The following NEK7 variants were observed in gnomAD, a reference collection of about 807,000 sequenced individuals.
NEK7 encodes the protein serine/threonine-protein kinase Nek7.
Under a neutral mutation model 44.6 loss-of-function variants are expected in NEK7, and 18 were observed. The ratio of observed to expected loss-of-function variants is 0.40; its 90% CI spans 0.28 to 0.60. The LOEUF is 0.60. NEK7 is among the 20% of genes least tolerant of loss of function. The pLI is 0.38. For missense variants in NEK7, 256 were observed against 366.5 expected (o/e 0.70, Z 2.46); for synonymous variants, 130 against 121.1 (o/e 1.07, Z -0.48).
chr1:198,188,585 A>G (rs918747502), intron 1 of NEK7, among the ~76,000 whole-genome samples: 33 of 152,124 alleles, frequency 2.2e-4, no homozygotes, highest in African/African-American at 7.0e-4. Context: ...GCCACTAGCT[A>G]CATAGAAAGG....
chr1:198,258,075 T>C (rs968188939), intron 3 of NEK7, among the ~76,000 whole-genome samples: 8 of 152,264 alleles, frequency 5.3e-5, no homozygotes, highest in African/African-American at 1.4e-4. Context: ...CAAAGGCCTC[T>C]CCGAGGATGT....
intron 9 of NEK7, among the ~76,000 whole-genome samples, chr1:198,319,149 A>T (rs746998031): frequency 3.9e-4 from 59 of 152,194 alleles, no homozygotes; most frequent in Non-Finnish European, 6.2e-4. Context: ...TGAAAAATTA[A>T]GAGAGTCCAT....
intron 7 of NEK7, among the ~76,000 whole-genome samples, chr1:198,291,308 A>G (rs889170201): frequency 6.6e-6 from 1 of 152,126 alleles, no homozygotes; most frequent in Admixed American, 6.6e-5. Context: ...TTATTATTCC[A>G]ACTGTACCTA....
At position 198,319,648 on chromosome 1, in the gene NEK7, G is replaced by T; in HGVS notation, c.*126G>T. On this transcript the variant is annotated 3_prime_UTR_variant, in exon 10 of 10. Coordinates refer to ENST00000367385, the MANE Select transcript of NEK7 (RefSeq NM_133494.3). Reference sequence around the variant, plus strand: ...CTAGTGTGCTTTGAATCCTTAACCAGTTTTCATATAAGCTTCATTTTGTAC... The same window carrying T: ...CTAGTGTGCTTTGAATCCTTAACCATTTTTCATATAAGCTTCATTTTGTAC... 1 of 1,152,894 alleles carries T rather than the reference G, an allele frequency of 8.7e-7. No individual in the cohort carries two copies. The highest frequency in any genetic ancestry group is 1.1e-6 in the Non-Finnish European group (1 of 885,844). 71.4% of individuals were successfully genotyped at this position (1,152,894 alleles called of 1,614,324 possible).
At position 198,173,782 on chromosome 1, in the gene NEK7, TA is replaced by T. The variant is rs939223521; in HGVS notation, c.-29+16512del. Among the ~76,000 whole-genome samples, 5 of 152,274 alleles carry T rather than the reference TA, an allele frequency of 3.3e-5. No individual in the cohort carries two copies. In the South Asian group the frequency reaches 6.2e-4, roughly 19 times the overall value. The stretch of plus-strand genomic sequence containing the variant: ...TCATTTATTTGGTCATATTTTTATA[TA>T]AAAAACTTTATAATTAAAGTTTTTT... On this transcript the variant is annotated intron_variant, in intron 1 of 9. Transcript: ENST00000367385.
At chr1:198,229,329 C>G (rs1190863163) in intron 1 of NEK7, among the ~76,000 whole-genome samples, 1 of 152,160 alleles carries the variant, frequency 6.6e-6, no homozygotes, top group African/African-American at 2.4e-5. Context: ...TCTCTCTATC[C>G]TTATGCTTTG....
At chr1:198,252,349 C>G (rs1653041311) in intron 2 of NEK7, among the ~76,000 whole-genome samples, 1 of 151,456 alleles carries the variant, frequency 6.6e-6, no homozygotes, top group African/African-American at 2.4e-5. Context: ...AATGTATATT[C>G]TGTTGATTTA....
chr1:198,206,679 TAAAAA>T (rs902708980), intron 1 of NEK7, among the ~76,000 whole-genome samples: 1 of 151,254 alleles, frequency 6.6e-6, no homozygotes, highest in Non-Finnish European at 1.5e-5. Flanking sequence ...CAAAAAGATT[TAAAAA>T]AAAAGACAAG....
At chr1:198,227,630 A>C (rs1210459024) in intron 1 of NEK7, among the ~76,000 whole-genome samples, 28 of 152,030 alleles carry the variant, frequency 1.8e-4, no homozygotes, top group Middle Eastern at 3.4e-3. Context: ...TGATGATGAG[A>C]ATTTTTTCAT....
At chr1:198,212,176 A>G (rs1306421609) in intron 1 of NEK7, among the ~76,000 whole-genome samples, 1 of 152,188 alleles carries the variant, frequency 6.6e-6, no homozygotes, top group African/African-American at 2.4e-5. Flanking sequence ...GAAGCTCCCA[A>G]CTGAGATTTG....
intron 1 of NEK7, among the ~76,000 whole-genome samples, chr1:198,215,152 G>T (rs933129698): frequency 1.8e-4 from 26 of 148,018 alleles, no homozygotes; most frequent in African/African-American, 6.9e-4. Flanking sequence ...TACTAGACCA[G>T]CCATACAAGA....
At chr1:198,301,878 AT>A (rs1654895408) in intron 9 of NEK7, among the ~76,000 whole-genome samples, 1 of 152,260 alleles carries the variant, frequency 6.6e-6, no homozygotes, top group Admixed American at 6.5e-5. Context: ...TTATTTAGTA[AT>A]AATTGTAAAT....
intron 2 of NEK7, among the ~76,000 whole-genome samples, chr1:198,243,276 A>G (rs1409311803): frequency 6.6e-6 from 1 of 152,180 alleles, no homozygotes; most frequent in African/African-American, 2.4e-5. Flanking sequence ...GTGCTTCAGT[A>G]TGCAGAATAA....
chr1:198,285,358 GT>G (rs1654335347), intron 7 of NEK7, among the ~76,000 whole-genome samples: 1 of 152,132 alleles, frequency 6.6e-6, no homozygotes, highest in Non-Finnish European at 1.5e-5. Flanking sequence ...GTAAGTATAG[GT>G]TAGATTATGC....
At chr1:198,179,837 G>A (rs978304787) in intron 1 of NEK7, among the ~76,000 whole-genome samples, 1 of 152,118 alleles carries the variant, frequency 6.6e-6, no homozygotes, top group Admixed American at 6.6e-5. Context: ...GTGTGTGTAT[G>A]TGTGCAGACA....
At chr1:198,216,338 G>A (rs1389613534) in intron 1 of NEK7, among the ~76,000 whole-genome samples, 1 of 151,920 alleles carries the variant, frequency 6.6e-6, no homozygotes, top group African/African-American at 2.4e-5. Context: ...TGATTTTTGG[G>A]TTAACCATGA....
chr1:198,204,818 T>C (rs1938384), intron 1 of NEK7, among the ~76,000 whole-genome samples: 150,577 of 152,178 alleles, frequency 0.99, 74,511 homozygotes, highest in Middle Eastern at 1. Flanking sequence ...AAACACATTT[T>C]ATATAGATTT....
intron 8 of NEK7, among the ~76,000 whole-genome samples, chr1:198,294,283 C>T (rs1015750398): frequency 5.3e-5 from 8 of 151,776 alleles, no homozygotes; most frequent in Non-Finnish European, 2.9e-5. Flanking sequence ...TATATGTGCA[C>T]GAGATTACAA....
chr1:198,291,231 C>T (rs1445535332), intron 7 of NEK7, among the ~76,000 whole-genome samples: 1 of 152,184 alleles, frequency 6.6e-6, no homozygotes, highest in Non-Finnish European at 1.5e-5. Flanking sequence ...TTCTGTGAAG[C>T]CTCTCTCTGC....
Sources: gnomAD v4.1 joint callset for allele counts (sites outside exome capture counted in the v4.1 genomes callset) on GRCh38, gnomAD v4.1.1 for gene constraint, MANE v1.5 for transcripts, NCBI Gene and HGNC (gene_info 2026-07-23, HGNC 2026-07-21) for gene names.